The following SCGB2B2 variants were observed in gnomAD, a reference collection of about 807,000 sequenced individuals.
The protein encoded by SCGB2B2 is secretoglobin family 2B member 2, also known as secretoglobin-like protein.
SCGB2B2 carries 11 observed loss-of-function variants against 7.6 expected under a neutral mutation model. The ratio of observed to expected loss-of-function variants is 1.45; its 90% CI spans 0.91 to 2.40. The LOEUF is 2.40. SCGB2B2 is among the 30% of genes most tolerant of loss of function. SCGB2B2 has a pLI of 0.00. For missense variants in SCGB2B2, 104 were observed against 115.4 expected, an observed-to-expected ratio of 0.90 and a Z score of 0.45; for synonymous variants, 50 against 48.6, an observed-to-expected ratio of 1.03 and a Z score of -0.12.
At chr19:34,627,392 CAAAAT>C (rs2066409915) in intron 1 of SCGB2B2, among the ~76,000 whole-genome samples, 1 of 151,900 alleles carries the variant, frequency 6.6e-6, no homozygotes, top group Non-Finnish European at 1.5e-5. Flanking sequence ...CACATAGTCT[CAAAAT>C]AAAGGGATGG....
chr19:34,597,682 C>T (rs530822117), intron 1 of SCGB2B2, among the ~76,000 whole-genome samples: 22 of 152,162 alleles, frequency 1.4e-4, no homozygotes, highest in South Asian at 1.0e-3. Flanking sequence ...ACAGGAGGGA[C>T]GCGAGGCCTT....
At chr19:34,650,101 T>C (rs62121987) in intron 1 of SCGB2B2, among the ~76,000 whole-genome samples, 1 of 151,184 alleles carries the variant, frequency 6.6e-6, no homozygotes, top group Non-Finnish European at 1.5e-5. Flanking sequence ...GTCACACTGG[T>C]TGAGGTCAGA....
chr19:34,619,581 A>G (rs1162181551), intron 1 of SCGB2B2, among the ~76,000 whole-genome samples: 3 of 152,198 alleles, frequency 2.0e-5, no homozygotes, highest in Admixed American at 2.0e-4. Flanking sequence ...TAGTTCAGGA[A>G]AAAGAAAATT....
At chr19:34,639,275 T>C (rs777459054) in intron 1 of SCGB2B2, among the ~76,000 whole-genome samples, 28 of 152,212 alleles carry the variant, frequency 1.8e-4, no homozygotes, top group Non-Finnish European at 3.2e-4. Context: ...CAATTCACCC[T>C]GACGCTCCAA....
intron 1 of SCGB2B2, among the ~76,000 whole-genome samples, chr19:34,671,733 A>G (rs1426660074): frequency 1.3e-5 from 2 of 152,188 alleles, no homozygotes; most frequent in African/African-American, 4.8e-5. Context: ...CTCTTGTAAA[A>G]AGTGCTTTTA....
intron 1 of SCGB2B2, among the ~76,000 whole-genome samples, chr19:34,658,104 G>A (rs1262847074): frequency 6.6e-6 from 1 of 152,218 alleles, no homozygotes; most frequent in African/African-American, 2.4e-5. Flanking sequence ...GCAGTGTGTA[G>A]AGGGAAATTT....
intron 1 of SCGB2B2, among the ~76,000 whole-genome samples, chr19:34,619,562 C>A (rs1400935666): frequency 6.6e-6 from 1 of 152,052 alleles, no homozygotes; most frequent in African/African-American, 2.4e-5. Flanking sequence ...TGTAGAATCT[C>A]CCCAAAGGTA....
At chr19:34,675,391 G>A (rs1255666923) in intron 1 of SCGB2B2, among the ~76,000 whole-genome samples, 1 of 151,974 alleles carries the variant, frequency 6.6e-6, no homozygotes, top group African/African-American at 2.4e-5. Context: ...ACACCCACAG[G>A]ATACACCAAG....
intron 1 of SCGB2B2, among the ~76,000 whole-genome samples, chr19:34,618,701 C>T (rs948206551): frequency 6.6e-6 from 1 of 152,128 alleles, no homozygotes; most frequent in Non-Finnish European, 1.5e-5. Context: ...CCTTACACAC[C>T]CTGCATGTGA....
chr19:34,640,604 T>C (rs1277395761), intron 1 of SCGB2B2: 3 of 152,220 alleles, frequency 2.0e-5, no homozygotes, highest in African/African-American at 7.2e-5. Context: ...TTAACTCTGG[T>C]AAAATATACA....
chr19:34,671,040 A>G (rs2146205007), intron 1 of SCGB2B2, among the ~76,000 whole-genome samples: 1 of 152,314 alleles, frequency 6.6e-6, no homozygotes. Context: ...TCTCTGCCTC[A>G]GCCTCCCAAG....
At chr19:34,664,994 G>A (rs1201628919) in intron 1 of SCGB2B2, among the ~76,000 whole-genome samples, 2 of 152,196 alleles carry the variant, frequency 1.3e-5, no homozygotes, top group Non-Finnish European at 2.9e-5. Flanking sequence ...TGGCACAGGG[G>A]ACGCCCCCAC....
chr19:34,662,177 G>A (rs1034387121), intron 1 of SCGB2B2, among the ~76,000 whole-genome samples: 1 of 152,066 alleles, frequency 6.6e-6, no homozygotes, highest in African/African-American at 2.4e-5. Flanking sequence ...ACCGCGCCGG[G>A]CCATGTTAGT....
intron 1 of SCGB2B2, among the ~76,000 whole-genome samples, chr19:34,633,978 C>G (rs577812588): frequency 6.6e-6 from 1 of 152,200 alleles, no homozygotes; most frequent in Non-Finnish European, 1.5e-5. Context: ...TGCCTAGACT[C>G]TGATCTCTCC....
chr19:34,593,702 G>A, intron 3 of SCGB2B2, 103 bp from the exon 4 acceptor site: 2 of 880,758 alleles, frequency 2.3e-6, no homozygotes, highest in South Asian at 1.5e-5. Context: ...CTCCTTGAGT[G>A]TGTCTGCTTG....
intron 1 of SCGB2B2, among the ~76,000 whole-genome samples, chr19:34,631,388 T>C (rs963018386): frequency 1.3e-5 from 2 of 152,030 alleles, no homozygotes; most frequent in Non-Finnish European, 2.9e-5. Flanking sequence ...CCAAGACTAT[T>C]CTTCTTCCAC....
chr19:34,591,171 TG>T lies in SCGB2B2; in HGVS notation c.*2383del, dbSNP rs1383958921. On this transcript the variant is annotated 3_prime_UTR_variant, in exon 4 of 4. Transcript: ENST00000601241. The stretch of plus-strand genomic sequence containing the variant: ...GTGTCCCGTCCTCCTGGATAGCTAA[TG>T]GATGTCTTGGATGTGGGAAACTTAT... Among the ~76,000 whole-genome samples the T allele has an allele frequency of 6.6e-6, 1 of 152,222 alleles. No individual in the cohort carries two copies. Among genetic ancestry groups the T allele is most frequent in the African/African-American group, 2.4e-5 (1 of 41,458 alleles).
At chr19:34,610,132 T>C (rs1224740959) in intron 1 of SCGB2B2, among the ~76,000 whole-genome samples, 1 of 152,116 alleles carries the variant, frequency 6.6e-6, no homozygotes, top group Non-Finnish European at 1.5e-5. Context: ...TGTGTAGGAA[T>C]GCTACTGATT....
rs556505195 is a variant in SCGB2B2 at position 34,610,581 on chromosome 19, TC to T, written c.-2031-13988del. On this transcript the variant is annotated intron_variant, in intron 1 of 3. Coordinates refer to ENST00000601241, the MANE Select transcript of SCGB2B2 (RefSeq NM_001025591.4). ...ATTTATATGATCTTACAGTTCTTGT[TC>T]TTCCTTCTGTTGATGTGATGTGTCA... 9.8e-4 allele frequency among the ~76,000 whole-genome samples: 149 copies of T among 152,168 alleles called. 1 individual carries two copies. The highest frequency in any genetic ancestry group is 1.8e-3 in the Non-Finnish European group (124 of 67,988).
Sources: gnomAD v4.1 joint callset for allele counts (sites outside exome capture counted in the v4.1 genomes callset) on GRCh38, gnomAD v4.1.1 for gene constraint, MANE v1.5 for transcripts, NCBI Gene and HGNC (gene_info 2026-07-23, HGNC 2026-07-21) for gene names.